The following MEIKIN variants were observed in gnomAD, a reference collection of about 807,000 sequenced individuals.
MEIKIN encodes the protein meiosis-specific kinetochore protein.
intron 9 of MEIKIN, among the ~76,000 whole-genome samples, chr5:131,877,822 G>A (rs1395103093): frequency 1.3e-5 from 2 of 152,042 alleles, no homozygotes; most frequent in African/African-American, 4.8e-5. Context: ...AGTTACCTGT[G>A]GTCAACCACA....
At chr5:131,876,926 C>T (rs1750623836) in intron 9 of MEIKIN, among the ~76,000 whole-genome samples, 1 of 145,226 alleles carries the variant, frequency 6.9e-6, no homozygotes, top group Non-Finnish European at 1.5e-5. Flanking sequence ...TGTTCTCACT[C>T]ATAGGTGGGA....
At chr5:131,868,377 C>T (rs936897099) in intron 9 of MEIKIN, among the ~76,000 whole-genome samples, 4 of 152,230 alleles carry the variant, frequency 2.6e-5, no homozygotes, top group African/African-American at 9.6e-5. Context: ...AGCCACAGCA[C>T]CCAGCCACTC....
chr5:131,810,403 TC>T (rs755256628), intron 12 of MEIKIN, among the ~76,000 whole-genome samples: 106 of 152,332 alleles, frequency 7.0e-4, no homozygotes, highest in African/African-American at 2.5e-3. Flanking sequence ...TTATTAGACT[TC>T]TCTAACACCT....
At chr5:131,885,575 G>A (rs1750781442) in intron 8 of MEIKIN, among the ~76,000 whole-genome samples, 1 of 152,154 alleles carries the variant, frequency 6.6e-6, no homozygotes, top group Admixed American at 6.5e-5. Context: ...CTGGGCTTTG[G>A]GTGCCGCCTA....
At chr5:131,901,092 C>T (rs1037744518) in intron 8 of MEIKIN, among the ~76,000 whole-genome samples, 1 of 152,136 alleles carries the variant, frequency 6.6e-6, no homozygotes, top group African/African-American at 2.4e-5. Context: ...CTTGTGTTGA[C>T]ACTGCCACTG....
At chr5:131,813,691 T>C (rs1773045081) in intron 12 of MEIKIN, among the ~76,000 whole-genome samples, 1 of 152,058 alleles carries the variant, frequency 6.6e-6, no homozygotes, top group South Asian at 2.1e-4. Flanking sequence ...CCTCCCGAAG[T>C]ACTGGGATTA....
At chr5:131,922,170 C>T (rs546551720) in intron 5 of MEIKIN, among the ~76,000 whole-genome samples, 25 of 152,268 alleles carry the variant, frequency 1.6e-4, no homozygotes, top group African/African-American at 5.1e-4. Flanking sequence ...TTCTACCATG[C>T]GGATTATTGA....
intron 8 of MEIKIN, among the ~76,000 whole-genome samples, chr5:131,885,334 GAACTGAAA>G (rs1374346044): frequency 2.3e-5 from 3 of 128,978 alleles, no homozygotes; most frequent in Non-Finnish European, 4.8e-5. Flanking sequence ...AGGCCACTCA[GAACTGAAA>G]GAGAGAGAGA....
At chr5:131,933,050 T>G (rs926998644) in intron 5 of MEIKIN, among the ~76,000 whole-genome samples, 1 of 152,196 alleles carries the variant, frequency 6.6e-6, no homozygotes, top group African/African-American at 2.4e-5. Flanking sequence ...GATTGTAGAG[T>G]AAGGCATGTA....
intron 9 of MEIKIN, among the ~76,000 whole-genome samples, chr5:131,875,683 C>T (rs1216628075): frequency 6.6e-6 from 1 of 152,144 alleles, no homozygotes; most frequent in African/African-American, 2.4e-5. Context: ...GCCCGCATCG[C>T]CAAGTCAATC....
chr5:131,861,739 G>A (rs1430817455), intron 9 of MEIKIN, among the ~76,000 whole-genome samples: 3 of 152,156 alleles, frequency 2.0e-5, no homozygotes, highest in Non-Finnish European at 2.9e-5. Flanking sequence ...TTCTGTTAAT[G>A]TGATGTATCA....
At chr5:131,898,403 T>C (rs1226909318) in intron 8 of MEIKIN, among the ~76,000 whole-genome samples, 1 of 152,222 alleles carries the variant, frequency 6.6e-6, no homozygotes, top group Non-Finnish European at 1.5e-5. Flanking sequence ...GAGGAGGCAG[T>C]CTGTCCATTC....
chr5:131,847,442 A>G (rs1282851265), intron 11 of MEIKIN, among the ~76,000 whole-genome samples: 2 of 152,148 alleles, frequency 1.3e-5, no homozygotes, highest in African/African-American at 4.8e-5. Flanking sequence ...ATAAGAGACA[A>G]AGATGAATAT....
At chr5:131,836,976 A>C (rs1292575975) in intron 11 of MEIKIN, among the ~76,000 whole-genome samples, 1 of 151,732 alleles carries the variant, frequency 6.6e-6, no homozygotes, top group Non-Finnish European at 1.5e-5. Flanking sequence ...GCCTGTTCCT[A>C]TGTCTCCAGG....
At chr5:131,918,890 G>A (rs888363863) in intron 6 of MEIKIN, among the ~76,000 whole-genome samples, 1 of 152,120 alleles carries the variant, frequency 6.6e-6, no homozygotes, top group African/African-American at 2.4e-5. Flanking sequence ...AACACACTTG[G>A]TTGTATGTTG....
chr5:131,944,984 T>C (rs978635602), intron 2 of MEIKIN, among the ~76,000 whole-genome samples, 172 bp downstream of exon 2: 1 of 152,220 alleles, frequency 6.6e-6, no homozygotes, highest in South Asian at 2.1e-4. Context: ...TTTTTAAAAA[T>C]AAATCTTCCT....
intron 8 of MEIKIN, among the ~76,000 whole-genome samples, chr5:131,881,642 C>A (rs528976940): frequency 2.6e-5 from 4 of 152,046 alleles, no homozygotes; most frequent in Admixed American, 6.6e-5. Context: ...AGCTAATAAG[C>A]CTTTCAGTTT....
chr5:131,826,213 C>CA (rs1749606516), intron 11 of MEIKIN, among the ~76,000 whole-genome samples: 1 of 151,446 alleles, frequency 6.6e-6, no homozygotes, highest in Non-Finnish European at 1.5e-5. Flanking sequence ...AGGCATGAGT[C>CA]ACTGCGCCTG....
intron 11 of MEIKIN, among the ~76,000 whole-genome samples, chr5:131,844,658 G>T (rs1238437975): frequency 6.6e-6 from 1 of 152,134 alleles, no homozygotes; most frequent in African/African-American, 2.4e-5. Context: ...ACTATCTGAG[G>T]CCAGTAAAAG....
Sources: allele counts gnomAD v4.1 joint callset (sites outside exome capture counted in the v4.1 genomes callset), GRCh38; gene constraint gnomAD v4.1.1; transcripts MANE v1.5; gene names NCBI Gene and HGNC (gene_info 2026-07-23, HGNC 2026-07-21).